CSMD1: variants seen among roughly 807,000 people sequenced by gnomAD.
CSMD1 encodes CUB and sushi domain-containing protein 1.
In CSMD1, 213 loss-of-function variants were observed where a neutral mutation model predicts 417.5. The observed-to-expected ratio is 0.51, with a 90% CI of 0.46 to 0.57. The LOEUF (loss-of-function observed/expected upper bound fraction) is 0.57, where lower values mean the gene tolerates loss of function less well. Ranked by LOEUF, CSMD1 falls within the 20% of genes least tolerant of loss-of-function variation. CSMD1 has a pLI of 0.00. For missense variants in CSMD1, 6,923 were observed against 4,529.7 expected (o/e 1.53, Z -15.17); for synonymous variants, 2,862 against 1,736.8 (o/e 1.65, Z -16.11).
At chr8:4,167,725 C>G (rs950237459) in intron 3 of CSMD1, among the ~76,000 whole-genome samples, 2 of 152,116 alleles carry the variant, frequency 1.3e-5, no homozygotes, top group African/African-American at 4.8e-5. Context: ...TGCAGTGGTT[C>G]ACACCTGTAA....
intron 3 of CSMD1, among the ~76,000 whole-genome samples, chr8:4,107,967 C>T (rs1461261665): frequency 6.6e-6 from 1 of 151,928 alleles, no homozygotes; most frequent in East Asian, 1.9e-4. Context: ...GTAAAAGTAG[C>T]ATTGACCGGG....
intron 1 of CSMD1, among the ~76,000 whole-genome samples, chr8:4,939,756 C>T (rs571759388): frequency 2.0e-5 from 3 of 152,218 alleles, no homozygotes; most frequent in Non-Finnish European, 4.4e-5. Context: ...GTGGAGTATG[C>T]AGTGTACTGC....
chr8:3,178,587 C>T (rs1171206810), intron 37 of CSMD1, among the ~76,000 whole-genome samples: 1 of 152,100 alleles, frequency 6.6e-6, no homozygotes, highest in Non-Finnish European at 1.5e-5. Context: ...GTGGCTAGGA[C>T]CCAGGAAGGC....
intron 5 of CSMD1, among the ~76,000 whole-genome samples, chr8:3,756,023 G>C (rs959680932): frequency 6.6e-6 from 1 of 151,934 alleles, no homozygotes; most frequent in African/African-American, 2.4e-5. Context: ...CCCCCAGTCT[G>C]TGCCACTCAC....
chr8:4,710,016 G>A (rs1352098872), intron 1 of CSMD1, among the ~76,000 whole-genome samples: 1 of 152,156 alleles, frequency 6.6e-6, no homozygotes, highest in African/African-American at 2.4e-5. Flanking sequence ...AATATCACTT[G>A]ATAGTTCAAA....
At chr8:3,811,515 T>C (rs75558766) in intron 5 of CSMD1, among the ~76,000 whole-genome samples, 1,963 of 152,232 alleles carry the variant, frequency 0.013, 51 homozygotes, top group African/African-American at 0.045. Context: ...AGCAGAGTTG[T>C]TCCCTGGTGT....
intron 10 of CSMD1, among the ~76,000 whole-genome samples, chr8:3,497,661 A>C (rs1384683965): frequency 6.6e-6 from 1 of 152,174 alleles, no homozygotes; most frequent in Non-Finnish European, 1.5e-5. Context: ...ATCTCTTGTA[A>C]TGTCTTCAGT....
chr8:4,530,667 G>C (rs1019298790), intron 2 of CSMD1, among the ~76,000 whole-genome samples: 1 of 151,060 alleles, frequency 6.6e-6, no homozygotes, highest in Non-Finnish European at 1.5e-5. Context: ...CCTGCAAAGG[G>C]CATGAACTCA....
At chr8:4,174,527 G>A (rs1797934616) in intron 3 of CSMD1, among the ~76,000 whole-genome samples, 1 of 150,834 alleles carries the variant, frequency 6.6e-6, no homozygotes, top group African/African-American at 2.4e-5. Context: ...TGACCCCCAT[G>A]TCCACCCACC....
At chr8:3,635,247 G>C (rs1472784551) in intron 7 of CSMD1, among the ~76,000 whole-genome samples, 3 of 152,000 alleles carry the variant, frequency 2.0e-5, no homozygotes, top group African/African-American at 7.2e-5. Context: ...AATCCTAGGT[G>C]GGTGGATCAT....
intron 11 of CSMD1, among the ~76,000 whole-genome samples, chr8:3,489,564 C>T (rs1330379990): frequency 6.6e-6 from 1 of 152,142 alleles, no homozygotes; most frequent in African/African-American, 2.4e-5. Context: ...CAGACATTTG[C>T]AAAGAAAGTT....
At chr8:4,094,430 G>C (rs946405478) in intron 3 of CSMD1, among the ~76,000 whole-genome samples, 15 of 152,162 alleles carry the variant, frequency 9.9e-5, no homozygotes, top group Non-Finnish European at 1.8e-4. Flanking sequence ...CAGGTGTGTG[G>C]ATTTGCTGTG....
At chr8:2,942,126 T>C (rs1010244349) in intron 69 of CSMD1, among the ~76,000 whole-genome samples, 1 of 151,926 alleles carries the variant, frequency 6.6e-6, no homozygotes, top group Non-Finnish European at 1.5e-5. Flanking sequence ...AGCTGAACGA[T>C]GAGAACACAT....
intron 5 of CSMD1, among the ~76,000 whole-genome samples, chr8:3,913,435 C>A (rs1808592296): frequency 6.6e-6 from 1 of 152,088 alleles, no homozygotes; most frequent in Non-Finnish European, 1.5e-5. Context: ...CAGAAGCAAC[C>A]AGCGAAGGGA....
chr8:4,932,835 T>C (rs1807333514), intron 1 of CSMD1, among the ~76,000 whole-genome samples: 1 of 152,212 alleles, frequency 6.6e-6, no homozygotes. Context: ...GTTCAAATTT[T>C]CAACTACAGG....
chr8:3,475,908 A>T (rs1310045481), intron 11 of CSMD1, among the ~76,000 whole-genome samples: 5 of 152,218 alleles, frequency 3.3e-5, no homozygotes, highest in Non-Finnish European at 7.3e-5. Context: ...GCTTAATGAC[A>T]ACCATAAGAT....
At chr8:4,767,744 G>A (rs909442092) in intron 1 of CSMD1, among the ~76,000 whole-genome samples, 2 of 152,118 alleles carry the variant, frequency 1.3e-5, no homozygotes, top group Non-Finnish European at 2.9e-5. Context: ...GCTTGATTTT[G>A]CATTTATTTA....
chr8:4,755,896 C>T (rs1408164943), intron 1 of CSMD1, among the ~76,000 whole-genome samples: 1 of 152,116 alleles, frequency 6.6e-6, no homozygotes, highest in Admixed American at 6.6e-5. Flanking sequence ...GGCTGCTCGG[C>T]CTTCAGTTTT....
At chr8:4,437,107 C>A (rs555223955) in intron 2 of CSMD1, among the ~76,000 whole-genome samples, 2 of 152,132 alleles carry the variant, frequency 1.3e-5, no homozygotes, top group Non-Finnish European at 2.9e-5. Flanking sequence ...ATGAATCCTA[C>A]AGTTGCTACC....
Sources: allele counts gnomAD v4.1 joint callset (sites outside exome capture counted in the v4.1 genomes callset), GRCh38; gene constraint gnomAD v4.1.1; transcripts MANE v1.5; gene names NCBI Gene and HGNC (gene_info 2026-07-23, HGNC 2026-07-21).